The following TEX261 variants were observed in gnomAD, a reference collection of about 807,000 sequenced individuals.
TEX261 encodes the protein protein TEX261.
A neutral mutation model predicts 25.1 loss-of-function variants in TEX261; 13 were observed. That is an observed-to-expected ratio of 0.52 (90% CI 0.34 to 0.82). The LOEUF is 0.82. Ranked by LOEUF, TEX261 falls within the 40% of genes least tolerant of loss-of-function variation. TEX261 has a pLI of 0.02. For synonymous variants in TEX261, 92 were observed against 97.8 expected (o/e 0.94, Z 0.35); for missense variants, 206 against 243.2 (o/e 0.85, Z 1.02).
In TEX261 at chr2:70,994,501, C is replaced by T. The variant is rs568240967; in HGVS notation, c.70+187G>A. 169 of 799,342 alleles carry T rather than the reference C, an allele frequency of 2.1e-4. No homozygotes were observed. In the African/African-American group the frequency reaches 3.0e-3, roughly 14 times the overall value. 49.5% of individuals were successfully genotyped at this position (799,342 alleles called of 1,614,324 possible). A position where few individuals can be genotyped will look rare whatever the true frequency, so the allele number is the denominator to read the frequency against. ...GGACTCTGTGACACCTGGAAGGAGC[C>T]ACGGTCAGGCCGGGCTGCCAGGCTC... On this transcript the variant is annotated intron_variant, in intron 1 of 5. Transcript: ENST00000272438.
chr2:70,994,206 G>A (rs1329045184), intron 1 of TEX261, among the ~76,000 whole-genome samples: 1 of 152,248 alleles, frequency 6.6e-6, no homozygotes, highest in African/African-American at 2.4e-5. Context: ...CTACTTTAGG[G>A]AAAGGACAGG....
At position 70,994,170 on chromosome 2, in the gene TEX261, G is replaced by C. The variant is rs542131907; in HGVS notation, c.71-395C>G. Among the ~76,000 whole-genome samples the C allele has an allele frequency of 2.0e-5, 3 of 152,358 alleles. No individual in the cohort carries two copies. In the South Asian group the frequency reaches 6.2e-4, roughly 32 times the overall value. The stretch of plus-strand genomic sequence containing the variant: ...AAAGGGAAGGGGAACAGTAGGGAGA[G>C]ACAGACGAGTTTAGTGTGAGAAATG... On this transcript the variant is annotated intron_variant, in intron 1 of 5. Transcript: ENST00000272438.
rs561872983 is a variant in TEX261, at chr2:70,994,835, G to C, written c.-78C>G. ...GCTCCGGCGACACACAGCCGCCACC[G>C]CCGCCGCCGCCGCCGCGTCCCCGCC... On this transcript the variant is annotated 5_prime_UTR_variant, in exon 1 of 6. Coordinates refer to ENST00000272438, the MANE Select transcript of TEX261 (RefSeq NM_144582.3). 2.5e-5 allele frequency: 27 copies of C among 1,098,688 alleles called. 1 individual carries two copies. In the South Asian group the frequency reaches 7.0e-4, roughly 29 times the overall value. The allele number at this position is 1,098,688 out of a possible 1,614,324, so 68.1% of individuals were successfully genotyped here. A position where few individuals can be genotyped will look rare whatever the true frequency, so the allele number is the denominator to read the frequency against.
intron 3 of TEX261, among the ~76,000 whole-genome samples, chr2:70,991,352 A>G (rs1670295216): frequency 6.6e-6 from 1 of 152,228 alleles, no homozygotes; most frequent in South Asian, 2.1e-4. Flanking sequence ...GAATGAGATG[A>G]GAAGCTGCAG....
intron 4 of TEX261, chr2:70,989,311 A>G (rs1216596443): frequency 4.1e-6 from 2 of 490,952 alleles, no homozygotes; most frequent in Non-Finnish European, 7.4e-6. Flanking sequence ...TGACTGACCC[A>G]CACCCCCCAA....
chr2:70,991,980 A>C lies in TEX261; in HGVS notation c.154T>G (p.Ser52Ala), dbSNP rs782498041. 6.3e-7 allele frequency: 1 copy of C among 1,593,918 alleles called. No individual in the cohort carries two copies. Among genetic ancestry groups the C allele is most frequent in the South Asian group, 1.1e-5 (1 of 87,960 alleles). Reference sequence around the variant, plus strand: ...TAGAGGCCAATCAGTACAGCGGTGGAGAACTGAAACAACCAGAGGCAGACA... The same window carrying C: ...TAGAGGCCAATCAGTACAGCGGTGGCGAACTGAAACAACCAGAGGCAGACA... ...SRIIKYMIWF[S>A]TAVLIGLYVF... is the part of the protein sequence containing the mutation. The change falls in exon 3 of 6, where the codon TCC becomes GCC. Residue 52 changes from serine to alanine, a missense_variant. Physicochemically the swap from Ser to Ala is moderately conservative, Grantham distance 99. Coordinates refer to ENST00000272438, the MANE Select transcript of TEX261 (RefSeq NM_144582.3).
rs782519743 is a variant in TEX261, at chr2:70,988,960, G to C, written c.430C>G (p.Leu144Val). The C allele has an allele frequency of 6.2e-7, 1 of 1,614,152 alleles. No individual in the cohort carries two copies. The highest frequency in any genetic ancestry group is 1.1e-5 in the South Asian group (1 of 91,072). The change falls in exon 5 of 6, where the codon CTT becomes GTT. Residue 144 changes from leucine to valine, a missense_variant. Physicochemically the swap from Leu to Val is conservative, Grantham distance 32. Transcript: ENST00000272438. ...GGCAGGACGTTCTCCCCGGCCGAAAGTGACACAAAAAACGCAAACGGAATT... is the reference window on the plus strand; with the variant it reads ...GGCAGGACGTTCTCCCCGGCCGAAACTGACACAAAAAACGCAAACGGAATT... The part of the protein sequence containing the change: ...WIIPFAFFVS[L>V]SAGENVLPST...
At chr2:70,990,460 G>C (rs2104871941) in intron 3 of TEX261, among the ~76,000 whole-genome samples, 1 of 152,138 alleles carries the variant, frequency 6.6e-6, no homozygotes, top group East Asian at 1.9e-4. Flanking sequence ...ACCCCTCCTT[G>C]GTGTGTAACT....
At chr2:70,994,474 G>A (rs1339922929) in intron 1 of TEX261, 4 of 622,746 alleles carry the variant, frequency 6.4e-6, no homozygotes, top group Non-Finnish European at 1.1e-5. Flanking sequence ...CAGTGCCGGA[G>A]CGGACTCTGT....
chr2:70,988,718 G>T lies in TEX261; in HGVS notation c.476-3C>A. The T allele has an allele frequency of 6.2e-7, 1 of 1,611,608 alleles. No homozygotes were observed. The highest frequency in any genetic ancestry group is 8.5e-7 in the Non-Finnish European group (1 of 1,177,684). ...GAAATAATTGGAGACGACATCATCT[G>T]TGGAGATACAGGCAAGAATATGAGA... On this transcript the variant is annotated splice_region_variant and splice_polypyrimidine_tract_variant and intron_variant, in intron 5 of 5. Transcript: ENST00000272438.
chr2:70,992,789 A>G (rs1329716358), intron 2 of TEX261, among the ~76,000 whole-genome samples: 1 of 152,122 alleles, frequency 6.6e-6, no homozygotes, highest in Admixed American at 6.5e-5. Context: ...ATATATACAT[A>G]TATATGATTC....
chr2:70,992,110 C>T (rs1670313312), intron 2 of TEX261, 127 bp from the exon 3 acceptor site: 1 of 919,930 alleles, frequency 1.1e-6, no homozygotes, highest in Non-Finnish European at 1.5e-6. Context: ...ACAGGTCTGG[C>T]CTCCCCAGCT....
Position 70,992,320 on chromosome 2 carries a change from T to C in TEX261, c.151-337A>G, listed in dbSNP as rs543256749. Among the ~76,000 whole-genome samples, 6 of 152,264 alleles carry C rather than the reference T, an allele frequency of 3.9e-5. No homozygotes were observed. In the East Asian group the frequency reaches 1.2e-3, roughly 30 times the overall value. Reference sequence around the variant, plus strand: ...TGTGTCTTTAGTAGAGACAGGGTTTTGCCATGTTGGCCAGGCTGGTCTCAA... The same window carrying C: ...TGTGTCTTTAGTAGAGACAGGGTTTCGCCATGTTGGCCAGGCTGGTCTCAA... On this transcript the variant is annotated intron_variant, in intron 2 of 5. Coordinates refer to ENST00000272438, the MANE Select transcript of TEX261 (RefSeq NM_144582.3).
Position 70,988,366 on chromosome 2 carries a change from G to A in TEX261, c.*234C>T. On this transcript the variant is annotated 3_prime_UTR_variant, in exon 6 of 6. Transcript: ENST00000272438. ...AGGACTGAGGGACCTCGGCCTCCTG[G>A]CTAAGCAGGCTCTGCCACCCTCCTT... 2 of 515,948 alleles carry A rather than the reference G, an allele frequency of 3.9e-6. No individual in the cohort carries two copies. The highest frequency in any genetic ancestry group is 7.0e-6 in the Non-Finnish European group (2 of 284,416). 32.0% of individuals were successfully genotyped at this position (515,948 alleles called of 1,614,324 possible).
In TEX261 at chr2:70,988,676, C is replaced by T; in HGVS notation, c.515G>A (p.Gly172Asp). Reference sequence around the variant, plus strand: ...GACAACCAGGATCCCTAAGCGTTTGCCCCGCTTGCCTTTGGTGAAATAATT... The same window carrying T: ...GACAACCAGGATCCCTAAGCGTTTGTCCCGCTTGCCTTTGGTGAAATAATT... ...VSNYFTKGKRGKRLGILVVFS... is the reference protein window; with the variant it reads ...VSNYFTKGKRDKRLGILVVFS... The change falls in exon 6 of 6, where the codon GGC (glycine) becomes GAC (aspartate). Residue 172 changes from glycine to aspartate, a missense_variant. Physicochemically the swap from Gly to Asp is moderately conservative, Grantham distance 94. Transcript: ENST00000272438. 1 of 1,614,186 alleles carries T rather than the reference C, an allele frequency of 6.2e-7. No homozygotes were observed. Among genetic ancestry groups the T allele is most frequent in the Non-Finnish European group, 8.5e-7 (1 of 1,180,016 alleles).
chr2:70,991,765 T>G lies in TEX261; in HGVS notation c.304+65A>C, dbSNP rs976902240. ...CTTCCTTTTTCTGTATCCCCTTTAG[T>G]GCCCAGGATGGAGATGGGCACACCC... On this transcript the variant is annotated intron_variant, in intron 3 of 5. Coordinates refer to ENST00000272438, the MANE Select transcript of TEX261 (RefSeq NM_144582.3). 10 of 1,569,840 alleles carry G rather than the reference T, an allele frequency of 6.4e-6. No individual in the cohort carries two copies. The African/African-American group carries it at 1.2e-4, about 19-fold the overall frequency.
rs1384136236 is a variant in TEX261 at position 70,986,141 on chromosome 2, A to T, written c.*2459T>A. ...GGGTCGGGAGGAGAGAGTATAGCCA[A>T]AGCTCCTTGGAGGAAGTCAAGTCTA... On this transcript the variant is annotated 3_prime_UTR_variant, in exon 6 of 6. Transcript: ENST00000272438. The T allele has an allele frequency of 6.6e-6, 1 of 152,384 alleles. No homozygotes were observed. The highest frequency in any genetic ancestry group is 1.5e-5 in the Non-Finnish European group (1 of 68,060). 9.4% of individuals were successfully genotyped at this position (152,384 alleles called of 1,614,324 possible).
intron 1 of TEX261, 177 bp downstream of exon 1, chr2:70,994,511 C>A: frequency 1.1e-6 from 1 of 889,980 alleles, no homozygotes; most frequent in Non-Finnish European, 1.7e-6. Flanking sequence ...CACGGTCAGG[C>A]CGGGCTGCCA....
chr2:70,993,450 T>G (rs935988993), intron 2 of TEX261, among the ~76,000 whole-genome samples: 4 of 152,228 alleles, frequency 2.6e-5, no homozygotes, highest in African/African-American at 9.7e-5. Flanking sequence ...TACACTTCGC[T>G]GTCACCTTAA....
Sources: gnomAD v4.1 joint callset for allele counts (sites outside exome capture counted in the v4.1 genomes callset) on GRCh38, gnomAD v4.1.1 for gene constraint, MANE v1.5 for transcripts, NCBI Gene and HGNC (gene_info 2026-07-23, HGNC 2026-07-21) for gene names.